The following TLCD2 variants were observed in gnomAD, a reference collection of about 807,000 sequenced individuals.
The protein encoded by TLCD2 is TLC domain containing 2.
In TLCD2, 12 loss-of-function variants were observed where a neutral mutation model predicts 14.0. The observed-to-expected ratio is 0.86, with a 90% CI of 0.55 to 1.39. The LOEUF is 1.39. Among genes scored for constraint, TLCD2 ranks in the 40% most tolerant of loss-of-function variants. TLCD2 has a pLI of 0.00. For synonymous variants in TLCD2, 166 were observed against 156.5 expected (o/e 1.06, Z -0.45); for missense variants, 360 against 346.8 (o/e 1.04, Z -0.30).
chr17:1,710,016 C>A lies in TLCD2; in HGVS notation c.176+51G>T. On this transcript the variant is annotated intron_variant, in intron 1 of 3. Coordinates refer to ENST00000330676, the MANE Select transcript of TLCD2 (RefSeq NM_001164407.2). The surrounding 1 kb of genome is among the most constrained non-coding windows in gnomAD (Gnocchi z 6.1). ...CGCCCGGCGGGTCTCCCGGCCTCAG[C>A]CTCCCACCCCTCGCCCTCGCCCCGT... is the stretch of plus-strand genomic sequence containing the variant. 6.6e-7 allele frequency: 1 copy of A among 1,523,498 alleles called. No homozygotes were observed. Among genetic ancestry groups the A allele is most frequent in the Non-Finnish European group, 8.8e-7 (1 of 1,141,372 alleles). The allele number at this position is 1,523,498 out of a possible 1,614,324, so 94.4% of individuals were successfully genotyped here. A position where few individuals can be genotyped will look rare whatever the true frequency, so the allele number is the denominator to read the frequency against.
chr17:1,710,232 G>T lies in TLCD2; in HGVS notation c.11C>A (p.Thr4Lys), dbSNP rs1179291369. Residue 4 changes from threonine to lysine, a missense_variant, in exon 1 of 4, where the codon ACG becomes AAG. Thr to Lys is a moderately conservative substitution (Grantham distance 78). Transcript: ENST00000330676. The surrounding 1 kb of genome is among the most constrained non-coding windows in gnomAD (Gnocchi z 6.1). ...GGAGGCGCCGGCCACCAGGAGCCCC[G>T]TGGGCGCCATGGCCTGGCGGTTGGG... Reference protein sequence around the residue: MAPTGLLVAGASFL... With the variant: MAPKGLLVAGASFL... 6.6e-7 allele frequency: 1 copy of T among 1,523,736 alleles called. No individual in the cohort carries two copies. The highest frequency in any genetic ancestry group is 8.8e-7 in the Non-Finnish European group (1 of 1,142,448). 94.4% of individuals were successfully genotyped at this position (1,523,736 alleles called of 1,614,324 possible). A position where few individuals can be genotyped will look rare whatever the true frequency, so the allele number is the denominator to read the frequency against.
chr17:1,710,269 A>C lies in TLCD2; in HGVS notation c.-27T>G, dbSNP rs1345600465. 1.4e-6 allele frequency: 2 copies of C among 1,479,518 alleles called. No homozygotes were observed. Among genetic ancestry groups the C allele is most frequent in the Non-Finnish European group, 1.8e-6 (2 of 1,123,026 alleles). 91.6% of individuals were successfully genotyped at this position (1,479,518 alleles called of 1,614,324 possible). A position where few individuals can be genotyped will look rare whatever the true frequency, so the allele number is the denominator to read the frequency against. The stretch of plus-strand genomic sequence containing the variant: ...GCCTGGCGGTTGGGGGGTTGCGGGG[A>C]GTCCGGGTCGGTCCCCTCGGCGCCC... On this transcript the variant is annotated 5_prime_UTR_variant, in exon 1 of 4. Coordinates refer to ENST00000330676, the MANE Select transcript of TLCD2 (RefSeq NM_001164407.2). The surrounding 1 kb of genome is among the most constrained non-coding windows in gnomAD (Gnocchi z 6.1).
chr17:1,703,880 A>G lies in TLCD2; in HGVS notation c.*3890T>C, dbSNP rs763107544. On this transcript the variant is annotated 3_prime_UTR_variant, in exon 4 of 4. Transcript: ENST00000330676. ...AACATTTTTGTTAATCAAGGCATTCAGTTAAGATGGCAAATTGAGTTTTGC... is the reference window on the plus strand; with the variant it reads ...AACATTTTTGTTAATCAAGGCATTCGGTTAAGATGGCAAATTGAGTTTTGC... 2.8e-4 allele frequency: 42 copies of G among 152,066 alleles called. No homozygotes were observed. Among genetic ancestry groups the G allele is most frequent in the Non-Finnish European group, 5.7e-4 (39 of 68,030 alleles). The allele number at this position is 152,066 out of a possible 1,614,324, so 9.4% of individuals were successfully genotyped here.
At position 1,703,631 on chromosome 17, in the gene TLCD2, A is replaced by G. The variant is rs958719772; in HGVS notation, c.*4139T>C. On this transcript the variant is annotated 3_prime_UTR_variant, in exon 4 of 4. Transcript: ENST00000330676. Reference sequence around the variant, plus strand: ...GGGATTTCACCTGCCTCGGTCCCCCAAAGTGCTGGGATTACAGGCGTGAGC... The same window carrying G: ...GGGATTTCACCTGCCTCGGTCCCCCGAAGTGCTGGGATTACAGGCGTGAGC... The G allele has an allele frequency of 2.6e-5, 4 of 151,896 alleles. No homozygotes were observed. Among genetic ancestry groups the G allele is most frequent in the African/African-American group, 9.7e-5 (4 of 41,338 alleles). The allele number at this position is 151,896 out of a possible 1,614,324, so 9.4% of individuals were successfully genotyped here.
chr17:1,708,177 C>T lies in TLCD2; in HGVS notation c.388G>A (p.Gly130Ser), dbSNP rs1914097854. The change falls in exon 4 of 4, where the codon GGC becomes AGC. Residue 130 changes from glycine (G) to serine (S), a missense_variant. Transcript: ENST00000330676. ...STAVLSGHYV[G>S]FSMVSLLLEL... ...AGGAGCAGAGACACCATGGAGAAGC[C>T]CACGTAGTGGCCAGACAGAACAGCG... is the stretch of plus-strand genomic sequence containing the variant. 4 of 1,536,288 alleles carry T rather than the reference C, an allele frequency of 2.6e-6. No homozygotes were observed. Among genetic ancestry groups the T allele is most frequent in the Admixed American group, 2.0e-5 (1 of 50,978 alleles).
chr17:1,706,408 G>C lies in TLCD2; in HGVS notation c.*1362C>G, dbSNP rs2151144296. On this transcript the variant is annotated 3_prime_UTR_variant, in exon 4 of 4. Transcript: ENST00000330676. Reference sequence around the variant, plus strand: ...TTTCCTTCTGTAATTCTAGACTTCAGTGCCGTCCTAAGAAGACAAACCAGC... The same window carrying C: ...TTTCCTTCTGTAATTCTAGACTTCACTGCCGTCCTAAGAAGACAAACCAGC... 6.6e-6 allele frequency: 1 copy of C among 152,326 alleles called. No homozygotes were observed. The allele number at this position is 152,326 out of a possible 1,614,324, so 9.4% of individuals were successfully genotyped here.
rs904905126 is a variant in TLCD2 at position 1,707,787 on chromosome 17, G to C, written c.778C>G (p.Leu260Val). ...NGPVTSNSSTLSLKD is the reference protein window; with the variant it reads ...NGPVTSNSSTVSLKD ...GCTTCTCTCTAGTCTTTCAGGCTGAGAGTCGAACTGTTGCTGGTGACAGGT... is the reference window on the plus strand; with the variant it reads ...GCTTCTCTCTAGTCTTTCAGGCTGACAGTCGAACTGTTGCTGGTGACAGGT... Residue 260 changes from leucine to valine, a missense_variant, in exon 4 of 4, where the codon CTC becomes GTC. By Grantham distance (32) the Leu-to-Val change is conservative. Transcript: ENST00000330676. The C allele has an allele frequency of 6.7e-7, 1 of 1,499,744 alleles. No individual in the cohort carries two copies. Among genetic ancestry groups the C allele is most frequent in the Middle Eastern group, 1.7e-4 (1 of 5,776 alleles). 92.9% of individuals were successfully genotyped at this position (1,499,744 alleles called of 1,614,324 possible).
In TLCD2 at chr17:1,710,087, C is replaced by G; in HGVS notation, c.156G>C (p.Ser52=). The change falls in exon 1 of 4, where the codon TCG becomes TCC. Residue 52 remains serine (S), a synonymous_variant. Coordinates refer to ENST00000330676, the MANE Select transcript of TLCD2 (RefSeq NM_001164407.2). This position sits in a 1 kb window ranked among gnomAD's most constrained non-coding sequence, Gnocchi z 6.1. The stretch of plus-strand genomic sequence containing the variant: ...CGCACCCGAGCAGCGCCCCGGTCCC[C>G]GAGAGCAGGCTGTGCGCCAGGGAGA... ...LCVSLAHSLL[S]GTGALLGLSL... 3.9e-6 allele frequency: 6 copies of G among 1,533,272 alleles called. No homozygotes were observed. Among genetic ancestry groups the G allele is most frequent in the Non-Finnish European group, 5.2e-6 (6 of 1,146,338 alleles). 95.0% of individuals were successfully genotyped at this position (1,533,272 alleles called of 1,614,324 possible). A position where few individuals can be genotyped will look rare whatever the true frequency, so the allele number is the denominator to read the frequency against.
rs1489241006 is a variant in TLCD2 at position 1,709,543 on chromosome 17, G to C, written c.298C>G (p.Gln100Glu). The C allele has an allele frequency of 6.5e-7, 1 of 1,537,122 alleles. No individual in the cohort carries two copies. Among genetic ancestry groups the C allele is most frequent in the Non-Finnish European group, 8.7e-7 (1 of 1,146,890 alleles). The change falls in exon 3 of 4, where the codon CAG becomes GAG. Residue 100 changes from glutamine (Q) to glutamate (E), a missense_variant. Transcript: ENST00000330676. ...LADGADLLWN[Q>E]TLGKTWDLLC... ...AGATCCCAGGTCTTGCCCAAGGTCT[G>C]GTTCCACAGCAGGTCAGCTCCGTCT...
intron 1 of TLCD2, 23 bp from the exon 2 acceptor site, chr17:1,709,909 T>TC: frequency 1.8e-6 from 2 of 1,128,616 alleles, no homozygotes; most frequent in Non-Finnish European, 2.5e-6. Flanking sequence ...GGTGGGGACA[T>TC]GGGGGGGGGC....
intron 3 of TLCD2, 84 bp downstream of exon 3, chr17:1,709,415 A>T: frequency 1.3e-6 from 1 of 783,120 alleles, no homozygotes; most frequent in Non-Finnish European, 2.0e-6. Flanking sequence ...AAAAAAAAAA[A>T]AGAATGAGGA....
In TLCD2 at chr17:1,707,675, G is replaced by A; in HGVS notation, c.*95C>T. On this transcript the variant is annotated 3_prime_UTR_variant, in exon 4 of 4. Coordinates refer to ENST00000330676, the MANE Select transcript of TLCD2 (RefSeq NM_001164407.2). ...GAGAAACTGAGATTCTGATGAGCAA[G>A]TCTGGCCCTCACCCTGATGGGGGAC... is the stretch of plus-strand genomic sequence containing the variant. The A allele has an allele frequency of 1.0e-6, 1 of 976,874 alleles. No homozygotes were observed. The highest frequency in any genetic ancestry group is 1.6e-5 in the African/African-American group (1 of 60,946). The allele number at this position is 976,874 out of a possible 1,614,324, so 60.5% of individuals were successfully genotyped here.
In TLCD2 at chr17:1,708,125, A is replaced by G. The variant is rs900103558; in HGVS notation, c.440T>C (p.Leu147Pro). The G allele has an allele frequency of 2.0e-6, 3 of 1,536,828 alleles. No homozygotes were observed. The highest frequency in any genetic ancestry group is 2.6e-6 in the Non-Finnish European group (3 of 1,146,886). The change falls in exon 4 of 4, where the codon CTG (leucine) becomes CCG (proline). Residue 147 changes from leucine (L) to proline (P), a missense_variant. Leu to Pro is a moderately conservative substitution (Grantham distance 98). Transcript: ENST00000330676. The stretch of plus-strand genomic sequence containing the variant: ...GCGAGAAAGCAACAGCAGCTTCCGC[A>G]GGTGCAAGCAGGCAGAGTTCAGTTC... ...LLELNSACLH[L>P]RKLLLLSRQA... is the part of the protein sequence containing the mutation.
rs1352958280 is a variant in TLCD2 at position 1,703,748 on chromosome 17, G to C, written c.*4022C>G. 1 of 152,114 alleles carries C rather than the reference G, an allele frequency of 6.6e-6. No homozygotes were observed. The highest frequency in any genetic ancestry group is 1.9e-4 in the East Asian group (1 of 5,188). 9.4% of individuals were successfully genotyped at this position (152,114 alleles called of 1,614,324 possible). A position where few individuals can be genotyped will look rare whatever the true frequency, so the allele number is the denominator to read the frequency against. ...AATGTATACCAGTGGCCAAAGAAAA[G>C]GTGTATGACTTAGAATCAATTCATA... On this transcript the variant is annotated 3_prime_UTR_variant, in exon 4 of 4. Transcript: ENST00000330676.
rs777173735 is a variant in TLCD2, at chr17:1,707,911, C to T, written c.654G>A (p.Gly218=). The T allele has an allele frequency of 2.0e-6, 3 of 1,537,288 alleles. No homozygotes were observed. The highest frequency in any genetic ancestry group is 4.9e-5 in the East Asian group (2 of 40,918). The change falls in exon 4 of 4, where the codon GGG becomes GGA. Residue 218 remains glycine, a synonymous_variant. Transcript: ENST00000330676. ...VTVGIMSIIL[G]IRILVNDVLQ... ...GGACATCATTGACCAGAATACGGAT[C>T]CCCAATATGATGCTCATGATGCCCA...
At position 1,707,600 on chromosome 17, in the gene TLCD2, G is replaced by A; in HGVS notation, c.*170C>T. The stretch of plus-strand genomic sequence containing the variant: ...CCAGGTTCCCACCCATCCAACATCA[G>A]CATTTCTTCTTAGATCCGAGGAAGG... On this transcript the variant is annotated 3_prime_UTR_variant, in exon 4 of 4. Coordinates refer to ENST00000330676, the MANE Select transcript of TLCD2 (RefSeq NM_001164407.2). 2 of 570,238 alleles carry A rather than the reference G, an allele frequency of 3.5e-6. No individual in the cohort carries two copies. The highest frequency in any genetic ancestry group is 3.0e-5 in the South Asian group (1 of 33,606). 35.3% of individuals were successfully genotyped at this position (570,238 alleles called of 1,614,324 possible).
Position 1,710,139 on chromosome 17 carries a change from T to C in TLCD2, c.104A>G (p.Asp35Gly). The C allele has an allele frequency of 6.5e-7, 1 of 1,533,028 alleles. No individual in the cohort carries two copies. The highest frequency in any genetic ancestry group is 8.7e-7 in the Non-Finnish European group (1 of 1,146,270). 95.0% of individuals were successfully genotyped at this position (1,533,028 alleles called of 1,614,324 possible). ...GCAGAGGTTCCACCACTGCCAGCGG[T>C]CCCGAGCGGCCGATTCCGGCGTGGG... Reference protein sequence around the residue: ...RLPTPESAARDRWQWWNLCVS... With the variant: ...RLPTPESAARGRWQWWNLCVS... Residue 35 changes from aspartate to glycine, a missense_variant, in exon 1 of 4, where the codon GAC becomes GGC. By Grantham distance (94) the Asp-to-Gly change is moderately conservative (BLOSUM62 -1). Coordinates refer to ENST00000330676, the MANE Select transcript of TLCD2 (RefSeq NM_001164407.2). This position sits in a 1 kb window ranked among gnomAD's most constrained non-coding sequence, Gnocchi z 6.1.
At position 1,709,559 on chromosome 17, in the gene TLCD2, A is replaced by C. The variant is rs967172844; in HGVS notation, c.282T>G (p.Ala94=). The change falls in exon 3 of 4, where the codon GCT becomes GCG. Residue 94 remains alanine (A), a synonymous_variant. Coordinates refer to ENST00000330676, the MANE Select transcript of TLCD2 (RefSeq NM_001164407.2). ...VSVGYFLADG[A]DLLWNQTLGK... ...CCAAGGTCTGGTTCCACAGCAGGTC[A>C]GCTCCGTCTGCCAGGAAGTAACCTG... The C allele has an allele frequency of 2.0e-6, 3 of 1,537,176 alleles. No homozygotes were observed. The highest frequency in any genetic ancestry group is 1.7e-4 in the Middle Eastern group (1 of 5,990).
chr17:1,708,479 CTT>C (rs70956738), intron 3 of TLCD2, among the ~76,000 whole-genome samples: 53 of 47,860 alleles, frequency 1.1e-3, no homozygotes, highest in South Asian at 5.7e-3. Flanking sequence ...GGCTTGCTTG[CTT>C]TTTTTTTTTT....
Sources: gnomAD v4.1 joint callset for allele counts (sites outside exome capture counted in the v4.1 genomes callset) on GRCh38, gnomAD v4.1.1 for gene constraint, Gnocchi (gnomAD v3.1) non-coding constraint, MANE v1.5 for transcripts, NCBI Gene and HGNC (gene_info 2026-07-23, HGNC 2026-07-21) for gene names.